The following NACC1 variants were observed in gnomAD, a reference collection of about 807,000 sequenced individuals.
NACC1 encodes nucleus accumbens associated 1.
A neutral mutation model predicts 41.7 loss-of-function variants in NACC1; 6 were observed. That is an observed-to-expected ratio of 0.14 (90% CI 0.08 to 0.28). NACC1 has a LOEUF of 0.28. Among genes scored for constraint, NACC1 ranks in the 10% least tolerant of loss-of-function variants. NACC1 has a pLI of 1.00. For synonymous variants in NACC1, 338 were observed against 330.6 expected (o/e 1.02, Z -0.24); for missense variants, 434 against 763.7 (o/e 0.57, Z 5.09).
chr19:13,137,627 C>T lies in NACC1; in HGVS notation c.1324+52C>T, dbSNP rs377712026. ...CGTGGGCCCGGGGCACGCAGGTTGACGTTTTTTCCCAGCCTTGGCTCTCAG... is the reference window on the plus strand; with the variant it reads ...CGTGGGCCCGGGGCACGCAGGTTGATGTTTTTTCCCAGCCTTGGCTCTCAG... On this transcript the variant is annotated intron_variant, in intron 5 of 5. Coordinates refer to ENST00000292431, the MANE Select transcript of NACC1 (RefSeq NM_052876.4). The surrounding 1 kb of genome is among the most constrained non-coding windows in gnomAD (Gnocchi z 6.1). The T allele has an allele frequency of 1.3e-5, 19 of 1,457,324 alleles. No homozygotes were observed. In the East Asian group the frequency reaches 2.0e-4, roughly 15 times the overall value. The allele number at this position is 1,457,324 out of a possible 1,614,324, so 90.3% of individuals were successfully genotyped here.
At position 13,138,628 on chromosome 19, in the gene NACC1, C is replaced by A; in HGVS notation, c.*222C>A. On this transcript the variant is annotated 3_prime_UTR_variant, in exon 6 of 6. Coordinates refer to ENST00000292431, the MANE Select transcript of NACC1 (RefSeq NM_052876.4). This position sits in a 1 kb window ranked among gnomAD's most constrained non-coding sequence, Gnocchi z 5.7. Reference sequence around the variant, plus strand: ...GTGAGGTCCGTGTTGCCTTCTTTAACACACACTCGTGCAGTGGGGGAGTTC... The same window carrying A: ...GTGAGGTCCGTGTTGCCTTCTTTAAAACACACTCGTGCAGTGGGGGAGTTC... 1.6e-6 allele frequency: 1 copy of A among 629,534 alleles called. No homozygotes were observed. Among genetic ancestry groups the A allele is most frequent in the Non-Finnish European group, 2.7e-6 (1 of 367,046 alleles). The allele number at this position is 629,534 out of a possible 1,614,324, so 39.0% of individuals were successfully genotyped here.
chr19:13,122,523 C>CGGGGGGGGG (rs79172329), intron 1 of NACC1, among the ~76,000 whole-genome samples: 1 of 76,886 alleles, frequency 1.3e-5, no homozygotes, highest in African/African-American at 4.7e-5. Flanking sequence ...TTGCCCCTGC[C>CGGGGGGGGG]GGGGGGGGGG....
intron 1 of NACC1, among the ~76,000 whole-genome samples, chr19:13,123,044 A>G (rs1233653581): frequency 1.3e-5 from 2 of 152,130 alleles, no homozygotes; most frequent in South Asian, 2.1e-4. Flanking sequence ...GACAAGCTCT[A>G]TAAGGGATTT....
At position 13,138,177 on chromosome 19, in the gene NACC1, A is replaced by G. The variant is rs2145626360; in HGVS notation, c.1355A>G (p.Lys452Arg). ...YYCQNFAPNF[K>R]ESEMNAIAAD... ...TGCCAGAACTTCGCCCCCAACTTCA[A>G]GGAGAGCGAGATGAATGCCATCGCG... The change falls in exon 6 of 6, where the codon AAG becomes AGG. Residue 452 changes from lysine to arginine, a missense_variant. Coordinates refer to ENST00000292431, the MANE Select transcript of NACC1 (RefSeq NM_052876.4). The surrounding 1 kb of genome is among the most constrained non-coding windows in gnomAD (Gnocchi z 5.7). 1 of 1,614,104 alleles carries G rather than the reference A, an allele frequency of 6.2e-7. No individual in the cohort carries two copies.
At position 13,138,800 on chromosome 19, in the gene NACC1, C is replaced by T. The variant is rs1242139399; in HGVS notation, c.*394C>T. Reference sequence around the variant, plus strand: ...TTCAGCCTCCGCCCCTCACTGCAGCCCCTTGGGACTTGAGGGGGGCCCCAG... The same window carrying T: ...TTCAGCCTCCGCCCCTCACTGCAGCTCCTTGGGACTTGAGGGGGGCCCCAG... On this transcript the variant is annotated 3_prime_UTR_variant, in exon 6 of 6. Transcript: ENST00000292431. The surrounding 1 kb of genome is among the most constrained non-coding windows in gnomAD (Gnocchi z 5.7). The T allele has an allele frequency of 1.8e-5, 4 of 218,766 alleles. No individual in the cohort carries two copies. Among genetic ancestry groups the T allele is most frequent in the Non-Finnish European group, 3.7e-5 (4 of 107,652 alleles). The allele number at this position is 218,766 out of a possible 1,614,324, so 13.6% of individuals were successfully genotyped here. A position where few individuals can be genotyped will look rare whatever the true frequency, so the allele number is the denominator to read the frequency against.
Position 13,126,587 on chromosome 19 carries a change from C to T in NACC1, c.-9+8133C>T, listed in dbSNP as rs921121263. On this transcript the variant is annotated intron_variant, in intron 1 of 5. Transcript: ENST00000292431. ...TACTCCCAGGAATCATCCTGCCAGC[C>T]CCCTTCCTGCAGATGGCAGGATCCA... Among the ~76,000 whole-genome samples the T allele has an allele frequency of 2.6e-5, 4 of 152,220 alleles. No individual in the cohort carries two copies. In the South Asian group the frequency reaches 8.3e-4, roughly 32 times the overall value.
At chr19:13,126,452 A>G (rs2019563571) in intron 1 of NACC1, among the ~76,000 whole-genome samples, 1 of 152,150 alleles carries the variant, frequency 6.6e-6, no homozygotes, top group Non-Finnish European at 1.5e-5. Context: ...CGGCCATGTC[A>G]CAGCTTCCCT....
Position 13,136,488 on chromosome 19 carries a change from G to A in NACC1, c.1120+83G>A. 4 of 1,467,252 alleles carry A rather than the reference G, an allele frequency of 2.7e-6. No individual in the cohort carries two copies. The highest frequency in any genetic ancestry group is 3.7e-6 in the Non-Finnish European group (4 of 1,095,756). 90.9% of individuals were successfully genotyped at this position (1,467,252 alleles called of 1,614,324 possible). A position where few individuals can be genotyped will look rare whatever the true frequency, so the allele number is the denominator to read the frequency against. On this transcript the variant is annotated intron_variant, in intron 3 of 5. Transcript: ENST00000292431. The surrounding 1 kb of genome is among the most constrained non-coding windows in gnomAD (Gnocchi z 5.5). Reference sequence around the variant, plus strand: ...GGCTGGGCTGGGCAGCTGGTTAGGAGCCCCCAGCACCTCAGTTTCCCTATC... The same window carrying A: ...GGCTGGGCTGGGCAGCTGGTTAGGAACCCCCAGCACCTCAGTTTCCCTATC...
intron 1 of NACC1, among the ~76,000 whole-genome samples, chr19:13,130,024 TTGG>T (rs1438819373): frequency 6.6e-6 from 1 of 151,900 alleles, no homozygotes; most frequent in Admixed American, 6.6e-5. Context: ...GGTTGGCTGG[TTGG>T]TTGGTTGGTT....
chr19:13,126,245 A>G (rs542263103), intron 1 of NACC1, among the ~76,000 whole-genome samples: 1 of 151,214 alleles, frequency 6.6e-6, no homozygotes, highest in Admixed American at 6.6e-5. Flanking sequence ...GGGTTTCACC[A>G]TGTTAGCCAG....
Position 13,137,161 on chromosome 19 carries a change from C to A in NACC1, c.1121-110C>A. On this transcript the variant is annotated intron_variant, in intron 3 of 5. Coordinates refer to ENST00000292431, the MANE Select transcript of NACC1 (RefSeq NM_052876.4). The surrounding 1 kb of genome is among the most constrained non-coding windows in gnomAD (Gnocchi z 6.1). ...GGTCCCTGGGTGAGTTTTCTTGGGA[C>A]CCAGAGCCCAGCAGGGAGGGCCTGG... 9.4e-7 allele frequency: 1 copy of A among 1,069,122 alleles called. No homozygotes were observed. The highest frequency in any genetic ancestry group is 1.4e-6 in the Non-Finnish European group (1 of 711,988). 66.2% of individuals were successfully genotyped at this position (1,069,122 alleles called of 1,614,324 possible).
chr19:13,126,960 G>T (rs1213897355), intron 1 of NACC1, among the ~76,000 whole-genome samples: 2 of 152,052 alleles, frequency 1.3e-5, no homozygotes, highest in Non-Finnish European at 2.9e-5. Flanking sequence ...GTTTGGCAGG[G>T]GTGGTGGCTC....
At chr19:13,133,361 A>G (rs1472415516) in intron 1 of NACC1, among the ~76,000 whole-genome samples, 2 of 151,806 alleles carry the variant, frequency 1.3e-5, no homozygotes, top group East Asian at 3.9e-4. Flanking sequence ...ATCTCAAAAA[A>G]AAAAAAGAAA....
chr19:13,136,511 A>G lies in NACC1; in HGVS notation c.1120+106A>G, dbSNP rs968916250. 9.0e-6 allele frequency: 12 copies of G among 1,339,974 alleles called. No homozygotes were observed. The highest frequency in any genetic ancestry group is 7.4e-5 in the East Asian group (3 of 40,608). The allele number at this position is 1,339,974 out of a possible 1,614,324, so 83.0% of individuals were successfully genotyped here. A position where few individuals can be genotyped will look rare whatever the true frequency, so the allele number is the denominator to read the frequency against. ...GAGCCCCCAGCACCTCAGTTTCCCT[A>G]TCTGTGCTGTAGTGTTGGTAACAGC... On this transcript the variant is annotated intron_variant, in intron 3 of 5. Transcript: ENST00000292431. The surrounding 1 kb of genome is among the most constrained non-coding windows in gnomAD (Gnocchi z 5.5).
chr19:13,137,406 G>T lies in NACC1; in HGVS notation c.1226+30G>T. On this transcript the variant is annotated intron_variant, in intron 4 of 5. Coordinates refer to ENST00000292431, the MANE Select transcript of NACC1 (RefSeq NM_052876.4). The surrounding 1 kb of genome is among the most constrained non-coding windows in gnomAD (Gnocchi z 6.1). The stretch of plus-strand genomic sequence containing the variant: ...GGCCCTTGCCAGAGCCCCAGGGAGG[G>T]GGGTGGGGTTTCCCCATGTCCCCCC... 2 of 1,587,054 alleles carry T rather than the reference G, an allele frequency of 1.3e-6. No individual in the cohort carries two copies. The highest frequency in any genetic ancestry group is 1.7e-6 in the Non-Finnish European group (2 of 1,156,266).
chr19:13,136,824 C>T lies in NACC1; in HGVS notation c.1120+419C>T, dbSNP rs904618927. ...GCAGTGAGCTGTGGTGGCCACTGCA[C>T]TCCAGCCTGGGTGACAGAGTGAGAC... On this transcript the variant is annotated intron_variant, in intron 3 of 5. Transcript: ENST00000292431. The surrounding 1 kb of genome is among the most constrained non-coding windows in gnomAD (Gnocchi z 5.5). 6.6e-6 allele frequency among the ~76,000 whole-genome samples: 1 copy of T among 152,128 alleles called. No homozygotes were observed. The highest frequency in any genetic ancestry group is 6.5e-5 in the Admixed American group (1 of 15,280).
Position 13,135,187 on chromosome 19 carries a change from G to T in NACC1, c.-8-13G>T. On this transcript the variant is annotated splice_polypyrimidine_tract_variant and intron_variant, in intron 1 of 5. Transcript: ENST00000292431. ...CGTCTCTGTCTCTCCATTCCTCCCT[G>T]CCCCTCGTGCAGCCGCTGCCATGGC... 6.4e-7 allele frequency: 1 copy of T among 1,559,926 alleles called. No individual in the cohort carries two copies. Among genetic ancestry groups the T allele is most frequent in the South Asian group, 1.2e-5 (1 of 82,674 alleles).
Position 13,135,275 on chromosome 19 carries a change from A to G in NACC1, c.68A>G (p.Gln23Arg). The G allele has an allele frequency of 6.2e-7, 1 of 1,613,750 alleles. No homozygotes were observed. Among genetic ancestry groups the G allele is most frequent in the Non-Finnish European group, 8.5e-7 (1 of 1,179,980 alleles). ...AGCATCCTGGAGTGCCTCAATGAAC[A>G]GCGGCTGCAGGGCCTGTACTGTGAC... ...GNSILECLNE[Q>R]RLQGLYCDVS... The change falls in exon 2 of 6, where the codon CAG (glutamine) becomes CGG (arginine). Residue 23 changes from glutamine (Q) to arginine (R), a missense_variant. Transcript: ENST00000292431.
chr19:13,138,915 G>A lies in NACC1; in HGVS notation c.*509G>A, dbSNP rs1014963835. ...ACCCTCGTCTATCCCTGCGCCTGGG[G>A]GCTGGGGTAGGCGAGGCCGTGGGGA... On this transcript the variant is annotated 3_prime_UTR_variant, in exon 6 of 6. Coordinates refer to ENST00000292431, the MANE Select transcript of NACC1 (RefSeq NM_052876.4). This position sits in a 1 kb window ranked among gnomAD's most constrained non-coding sequence, Gnocchi z 5.7. 6.3e-6 allele frequency: 1 copy of A among 158,342 alleles called. No homozygotes were observed. The highest frequency in any genetic ancestry group is 2.4e-5 in the African/African-American group (1 of 41,588). 9.8% of individuals were successfully genotyped at this position (158,342 alleles called of 1,614,324 possible). A position where few individuals can be genotyped will look rare whatever the true frequency, so the allele number is the denominator to read the frequency against.
Sources: gnomAD v4.1 joint callset for allele counts (sites outside exome capture counted in the v4.1 genomes callset) on GRCh38, gnomAD v4.1.1 for gene constraint, Gnocchi (gnomAD v3.1) non-coding constraint, MANE v1.5 for transcripts, NCBI Gene and HGNC (gene_info 2026-07-23, HGNC 2026-07-21) for gene names.